The following AGBL4 variants were observed in gnomAD, a reference collection of about 807,000 sequenced individuals.
The protein encoded by AGBL4 is cytosolic carboxypeptidase 6.
Under a neutral mutation model 66.4 loss-of-function variants are expected in AGBL4, and 58 were observed. The ratio of observed to expected loss-of-function variants is 0.87; its 90% confidence interval spans 0.71 to 1.09. The LOEUF (loss-of-function observed/expected upper bound fraction) is 1.09. AGBL4 is among the 50% of genes least tolerant of loss of function. The probability of loss-of-function intolerance (pLI) is 0.00; values close to 1 mark genes in which losing one functional copy is unlikely to be tolerated. For synonymous variants in AGBL4, 234 were observed against 222.9 expected (o/e 1.05, Z -0.44); for missense variants, 579 against 631.0 (o/e 0.92, Z 0.88).
chr1:49,639,281 A>C (rs1258290536), intron 3 of AGBL4, among the ~76,000 whole-genome samples: 1 of 152,236 alleles, frequency 6.6e-6, no homozygotes, highest in East Asian at 1.9e-4. Context: ...AAGACAATAT[A>C]AACTTGGAAA....
intron 6 of AGBL4, chr1:48,728,064 A>C (rs1413304806): frequency 6.4e-7 from 1 of 1,566,020 alleles, no homozygotes; most frequent in Admixed American, 1.8e-5. Flanking sequence ...AGAAGAAACA[A>C]GGCCAAGGAT....
chr1:48,954,607 A>G, intron 5 of AGBL4, among the ~76,000 whole-genome samples: 1 of 152,244 alleles, frequency 6.6e-6, no homozygotes, highest in East Asian at 1.9e-4. Flanking sequence ...GTGTGGTTAT[A>G]ACATATGGAT....
At chr1:49,280,332 G>C (rs1644249847) in intron 3 of AGBL4, among the ~76,000 whole-genome samples, 1 of 152,172 alleles carries the variant, frequency 6.6e-6, no homozygotes, top group Non-Finnish European at 1.5e-5. Context: ...GGCCATTTTT[G>C]TGTCAGTTAA....
At chr1:48,980,639 A>G (rs1659674368) in intron 5 of AGBL4, among the ~76,000 whole-genome samples, 1 of 150,478 alleles carries the variant, frequency 6.6e-6, no homozygotes, top group African/African-American at 2.5e-5. Context: ...GTTCAAGGCC[A>G]GCCTGGACAG....
intron 2 of AGBL4, among the ~76,000 whole-genome samples, chr1:49,789,531 A>G (rs770305305): frequency 5.3e-5 from 8 of 152,212 alleles, no homozygotes; most frequent in Admixed American, 1.3e-4. Flanking sequence ...GCATTCCTAT[A>G]CACCAATAAT....
intron 4 of AGBL4, among the ~76,000 whole-genome samples, chr1:49,068,594 T>C (rs1344021682): frequency 2.0e-5 from 3 of 152,136 alleles, no homozygotes; most frequent in Non-Finnish European, 4.4e-5. Flanking sequence ...TATTCCATGG[T>C]GTATATGTGC....
intron 5 of AGBL4, among the ~76,000 whole-genome samples, chr1:49,003,847 C>T (rs1661576028): frequency 6.6e-6 from 1 of 152,190 alleles, no homozygotes; most frequent in African/African-American, 2.4e-5. Flanking sequence ...AAATCTTCTG[C>T]ACATGAATCC....
chr1:49,373,294 G>C (rs1161811689), intron 3 of AGBL4, among the ~76,000 whole-genome samples: 1 of 152,104 alleles, frequency 6.6e-6, no homozygotes, highest in Non-Finnish European at 1.5e-5. Context: ...CCTGGTATGT[G>C]GTATATGACC....
intron 5 of AGBL4, among the ~76,000 whole-genome samples, chr1:48,997,656 C>T (rs888986515): frequency 1.3e-5 from 2 of 152,108 alleles, no homozygotes; most frequent in Admixed American, 1.3e-4. Flanking sequence ...CTGTCAGTTA[C>T]CAGTTGTAAG....
chr1:48,788,802 C>T (rs1013919015), intron 6 of AGBL4, among the ~76,000 whole-genome samples: 1 of 152,106 alleles, frequency 6.6e-6, no homozygotes, highest in African/African-American at 2.4e-5. Flanking sequence ...TTGGTGAGCG[C>T]TTATAATGTG....
chr1:48,983,015 G>C (rs1659902764), intron 5 of AGBL4, among the ~76,000 whole-genome samples: 1 of 152,110 alleles, frequency 6.6e-6, no homozygotes, highest in South Asian at 2.1e-4. Flanking sequence ...AAATGCATTT[G>C]CTTACCTGTG....
chr1:49,767,985 TAA>T (rs1161416588), intron 2 of AGBL4, among the ~76,000 whole-genome samples: 1 of 132,876 alleles, frequency 7.5e-6, no homozygotes, highest in African/African-American at 2.7e-5. Context: ...AAGTATAATT[TAA>T]AAAAAAAAAA....
intron 3 of AGBL4, among the ~76,000 whole-genome samples, chr1:49,295,992 G>C (rs1349977422): frequency 6.6e-6 from 1 of 152,184 alleles, no homozygotes; most frequent in African/African-American, 2.4e-5. Flanking sequence ...TCTTTGTCTA[G>C]AGAATGGCAA....
intron 5 of AGBL4, among the ~76,000 whole-genome samples, chr1:49,030,417 T>C (rs577825620): frequency 2.0e-5 from 3 of 152,184 alleles, no homozygotes; most frequent in African/African-American, 4.8e-5. Flanking sequence ...GTGTGAGAAA[T>C]ACATTTCTGT....
At chr1:49,923,823 T>C (rs1652500676) in intron 1 of AGBL4, among the ~76,000 whole-genome samples, 1 of 152,158 alleles carries the variant, frequency 6.6e-6, no homozygotes, top group Non-Finnish European at 1.5e-5. Context: ...TAACTGATGC[T>C]GGCAAGGTTG....
intron 9 of AGBL4, among the ~76,000 whole-genome samples, chr1:48,592,396 G>C (rs968486076): frequency 6.6e-6 from 1 of 152,212 alleles, no homozygotes; most frequent in Non-Finnish European, 1.5e-5. Context: ...TGGGCTCAAT[G>C]ACTGTCATTT....
At chr1:48,994,757 A>T (rs1267591659) in intron 5 of AGBL4, among the ~76,000 whole-genome samples, 1 of 152,118 alleles carries the variant, frequency 6.6e-6, no homozygotes. Flanking sequence ...CATATGGTTT[A>T]TATATATATT....
At chr1:49,744,205 G>C (rs990361719) in intron 2 of AGBL4, among the ~76,000 whole-genome samples, 9 of 152,032 alleles carry the variant, frequency 5.9e-5, no homozygotes, top group African/African-American at 2.2e-4. Flanking sequence ...CTCATAAATG[G>C]TTTAGCACCA....
chr1:49,087,211 T>C (rs1644924976), intron 4 of AGBL4, among the ~76,000 whole-genome samples: 1 of 152,114 alleles, frequency 6.6e-6, no homozygotes, highest in Non-Finnish European at 1.5e-5. Context: ...ACTGCACTAG[T>C]TCTCCAGCAA....
Sources: gnomAD v4.1 joint callset for allele counts (sites outside exome capture counted in the v4.1 genomes callset) on GRCh38, gnomAD v4.1.1 for gene constraint, MANE v1.5 for transcripts, NCBI Gene and HGNC (gene_info 2026-07-23, HGNC 2026-07-21) for gene names.